The following SHLD1 variants were observed in gnomAD, a reference collection of about 807,000 sequenced individuals.
SHLD1 encodes the protein shieldin complex subunit 1, also known as RINN1-REV7-interacting novel NHEJ regulator 3.
SHLD1 carries 3 observed loss-of-function variants against 5.5 expected under a neutral mutation model. The observed-to-expected ratio is 0.54, with a 90% confidence interval of 0.25 to 1.40. The LOEUF (loss-of-function observed/expected upper bound fraction) is 1.40, where lower values mean the gene tolerates loss of function less well. SHLD1 is among the 40% of genes most tolerant of loss of function. The probability of loss-of-function intolerance (pLI) is 0.15; values close to 1 mark genes in which losing one functional copy is unlikely to be tolerated. For missense variants in SHLD1, 210 were observed against 244.4 expected, an observed-to-expected ratio of 0.86 and a Z score of 0.94; for synonymous variants, 92 against 94.3, an observed-to-expected ratio of 0.98 and a Z score of 0.14.
intron 2 of SHLD1, among the ~76,000 whole-genome samples, chr20:5,813,458 C>T (rs1219616866): frequency 6.6e-6 from 1 of 152,114 alleles, no homozygotes; most frequent in Non-Finnish European, 1.5e-5. Context: ...CACTGCACTC[C>T]AGCTTGGGTG....
chr20:5,861,830 T>C (rs1247180218), intron 2 of SHLD1, among the ~76,000 whole-genome samples: 3 of 152,196 alleles, frequency 2.0e-5, no homozygotes, highest in Admixed American at 6.5e-5. Context: ...TTGTAGCTAC[T>C]GATTGAGTTC....
At chr20:5,824,702 A>T (rs2087646543) in intron 2 of SHLD1, among the ~76,000 whole-genome samples, 1 of 152,024 alleles carries the variant, frequency 6.6e-6, no homozygotes, top group Non-Finnish European at 1.5e-5. Context: ...TTAAGGGAAA[A>T]AAATGTACCC....
In SHLD1 at chr20:5,763,057, A is replaced by T. The variant is rs573821360; in HGVS notation, c.-4-9805A>T. 1.4e-4 allele frequency among the ~76,000 whole-genome samples: 21 copies of T among 151,940 alleles called. No homozygotes were observed. The East Asian group carries it at 3.5e-3, about 25-fold the overall frequency. On this transcript the variant is annotated intron_variant, in intron 1 of 2. Coordinates refer to ENST00000303142, the MANE Select transcript of SHLD1 (RefSeq NM_152504.4). ...CACAGTGGCTCACGCCTATAATCCC[A>T]GCACTTTGGGAGGCCGAGGCAGGCG...
rs565645896 is a variant in SHLD1 at position 5,813,077 on chromosome 20, T to C, written c.178+40034T>C. ...TTTTAGTAGAGGTGGGGTTTCACCA[T>C]GTTGCCCCGGCTGCTCTAGAACTTC... On this transcript the variant is annotated intron_variant, in intron 2 of 2. Transcript: ENST00000303142. 3.5e-4 allele frequency among the ~76,000 whole-genome samples: 53 copies of C among 152,090 alleles called. 1 individual carries two copies. In the South Asian group the frequency reaches 0.01, roughly 30 times the overall value.
In SHLD1 at chr20:5,766,651, T is replaced by C. The variant is rs1466312967; in HGVS notation, c.-4-6211T>C. On this transcript the variant is annotated intron_variant, in intron 1 of 2. Transcript: ENST00000303142. ...TAGGATTACCTGCCTCATAGGGTTGTGACAGATGAAGCTCTTAGCACAATG... is the reference window on the plus strand; with the variant it reads ...TAGGATTACCTGCCTCATAGGGTTGCGACAGATGAAGCTCTTAGCACAATG... Among the ~76,000 whole-genome samples the C allele has an allele frequency of 8.1e-4, 123 of 152,226 alleles. 1 individual carries two copies. Among genetic ancestry groups the C allele is most frequent in the Admixed American group, 8.0e-3 (122 of 15,274 alleles).
chr20:5,774,302 T>G (rs1985328639), intron 2 of SHLD1, among the ~76,000 whole-genome samples: 1 of 152,198 alleles, frequency 6.6e-6, no homozygotes, highest in Non-Finnish European at 1.5e-5. Flanking sequence ...TAGGCTTTAA[T>G]GATGATGAAT....
At chr20:5,750,238 CA>C (rs1944864440), upstream of SHLD1, among the ~76,000 whole-genome samples, 1 of 152,040 alleles carries the variant, frequency 6.6e-6, no homozygotes, top group Non-Finnish European at 1.5e-5. Flanking sequence ...GGAAATTGCC[CA>C]AAATAGCCAC....
At chr20:5,829,929 A>T (rs1352812212) in intron 2 of SHLD1, among the ~76,000 whole-genome samples, 3 of 152,160 alleles carry the variant, frequency 2.0e-5, no homozygotes, top group Non-Finnish European at 4.4e-5. Context: ...TTTAAGGTAG[A>T]TGCAATAGAA....
chr20:5,863,232 C>T lies in SHLD1; in HGVS notation c.387C>T (p.Ile129=). Residue 129 remains isoleucine (I), a synonymous_variant, in exon 3 of 3, where the codon ATC becomes ATT. Coordinates refer to ENST00000303142, the MANE Select transcript of SHLD1 (RefSeq NM_152504.4). ...ASVCKCLSQK[I]TQLRGQESQK... ...TCTGCAAGTGCCTGTCTCAGAAAAT[C>T]ACTCAACTAAGAGGCCAGGAGAGCC... The T allele has an allele frequency of 1.2e-6, 2 of 1,614,186 alleles. No individual in the cohort carries two copies. Among genetic ancestry groups the T allele is most frequent in the East Asian group, 2.2e-5 (1 of 44,882 alleles).
At chr20:5,848,634 G>A (rs62203938) in intron 2 of SHLD1, among the ~76,000 whole-genome samples, 224 of 152,260 alleles carry the variant, frequency 1.5e-3, no homozygotes, top group Non-Finnish European at 1.4e-3. Flanking sequence ...AATTTGGGGT[G>A]GTGTGAGCTT....
chr20:5,781,213 T>G (rs2086985444), intron 2 of SHLD1, among the ~76,000 whole-genome samples: 1 of 152,146 alleles, frequency 6.6e-6, no homozygotes, highest in Admixed American at 6.6e-5. Flanking sequence ...TAGTGAGATA[T>G]GGCAGAAGAC....
At chr20:5,838,686 G>A (rs2087817854) in intron 2 of SHLD1, among the ~76,000 whole-genome samples, 1 of 152,254 alleles carries the variant, frequency 6.6e-6, no homozygotes, top group Admixed American at 6.5e-5. Context: ...GTTTGAGTCT[G>A]TGAGGTGGAC....
intron 2 of SHLD1, among the ~76,000 whole-genome samples, chr20:5,808,126 A>G (rs924662753): frequency 6.6e-6 from 1 of 152,132 alleles, no homozygotes; most frequent in Non-Finnish European, 1.5e-5. Context: ...CTAAAAATAT[A>G]AAAATTAGCT....
At chr20:5,788,902 CAGGTGGATCA>C (rs2087098619) in intron 2 of SHLD1, among the ~76,000 whole-genome samples, 1 of 151,998 alleles carries the variant, frequency 6.6e-6, no homozygotes. Flanking sequence ...GAGGCTGAGG[CAGGTGGATCA>C]CTTGAGATCA....
At chr20:5,779,972 GTTTTTT>G (rs11381238) in intron 2 of SHLD1, among the ~76,000 whole-genome samples, 41 of 81,768 alleles carry the variant, frequency 5.0e-4, no homozygotes, top group Middle Eastern at 0.02. Context: ...TACAATTTCT[GTTTTTT>G]TTTTTTTTTT....
chr20:5,798,525 A>G (rs977183930), intron 2 of SHLD1, among the ~76,000 whole-genome samples: 9 of 151,776 alleles, frequency 5.9e-5, no homozygotes, highest in Non-Finnish European at 1.3e-4. Context: ...GATGGTCTCA[A>G]TCTCCTGACC....
At chr20:5,848,118 A>G (rs2087953597) in intron 2 of SHLD1, among the ~76,000 whole-genome samples, 1 of 152,266 alleles carries the variant, frequency 6.6e-6, no homozygotes, top group East Asian at 1.9e-4. Flanking sequence ...AAAACTTTGT[A>G]TTTTGAAAAC....
intron 2 of SHLD1, among the ~76,000 whole-genome samples, chr20:5,857,082 A>G (rs138365324): frequency 1.1e-3 from 170 of 152,194 alleles, no homozygotes; most frequent in African/African-American, 3.9e-3. Flanking sequence ...CCCGGGTTCA[A>G]GTGATTCTCT....
chr20:5,806,775 T>C lies in SHLD1; in HGVS notation c.178+33732T>C, dbSNP rs440114. Among the ~76,000 whole-genome samples, 12,648 of 152,238 alleles carry C rather than the reference T, an allele frequency of 0.083. 1,782 individuals carry two copies. The highest frequency in any genetic ancestry group is 0.29 in the African/African-American group (11,979 of 41,476). On this transcript the variant is annotated intron_variant, in intron 2 of 2. Transcript: ENST00000303142. This position sits in a 1 kb window ranked among gnomAD's most constrained non-coding sequence, Gnocchi z 7.6. Reference sequence around the variant, plus strand: ...AGTTAAGATACCAACATTTCTTATTTACATCCTGTGTTGTTGTTTCTCCGC... The same window carrying C: ...AGTTAAGATACCAACATTTCTTATTCACATCCTGTGTTGTTGTTTCTCCGC...
Sources: gnomAD v4.1 joint callset for allele counts (sites outside exome capture counted in the v4.1 genomes callset) on GRCh38, gnomAD v4.1.1 for gene constraint, Gnocchi (gnomAD v3.1) non-coding constraint, MANE v1.5 for transcripts, NCBI Gene and HGNC (gene_info 2026-07-23, HGNC 2026-07-21) for gene names.